LRBA: variants seen among roughly 807,000 people sequenced by gnomAD.
LRBA encodes the protein lipopolysaccharide-responsive and beige-like anchor protein.
A neutral mutation model predicts 330.0 loss-of-function variants in LRBA; 176 were observed. The ratio of observed to expected loss-of-function variants is 0.53; its 90% CI spans 0.47 to 0.60. LRBA has a LOEUF of 0.60. Ranked by LOEUF, LRBA falls within the 20% of genes least tolerant of loss-of-function variation. The pLI is 0.00. For missense variants in LRBA, 3,259 were observed against 3,444.8 expected, an observed-to-expected ratio of 0.95 and a Z score of 1.35; for synonymous variants, 1,230 against 1,193.0, an observed-to-expected ratio of 1.03 and a Z score of -0.64.
intron 40 of LRBA, among the ~76,000 whole-genome samples, chr4:150,553,561 A>G (rs1179376511): frequency 1.3e-5 from 2 of 152,184 alleles, no homozygotes; most frequent in Non-Finnish European, 2.9e-5. Context: ...CCCTTGCCTT[A>G]GAAGACAGAA....
intron 31 of LRBA, among the ~76,000 whole-genome samples, chr4:150,814,819 A>T (rs1019426957): frequency 6.6e-5 from 10 of 152,036 alleles, no homozygotes; most frequent in African/African-American, 2.2e-4. Context: ...CAATAAATGT[A>T]ACAGTCTTCA....
rs1305161118 is a variant in LRBA, at chr4:150,817,175, C to T, written c.5254G>A (p.Val1752Ile). Residue 1752 changes from valine (V) to isoleucine (I), a missense_variant, in exon 31 of 57, where the codon GTT (valine) becomes ATT (isoleucine). Val to Ile is a conservative substitution (Grantham distance 29, BLOSUM62 3). Coordinates refer to ENST00000651943, the MANE Select transcript of LRBA (RefSeq NM_001364905.1). ...GCTTGGGCTGAATCTACTGAGGAAA[C>T]CACACTGACAGCATTGGTAGGTATG... ...TSIPTNAVSVVSSVDSAQASD... is the reference protein window; with the variant it reads ...TSIPTNAVSVISSVDSAQASD... 1 of 1,612,100 alleles carries T rather than the reference C, an allele frequency of 6.2e-7. No individual in the cohort carries two copies. Among genetic ancestry groups the T allele is most frequent in the African/African-American group, 1.3e-5 (1 of 74,796 alleles).
At chr4:150,555,464 T>C (rs999101303) in intron 40 of LRBA, among the ~76,000 whole-genome samples, 1 of 152,070 alleles carries the variant, frequency 6.6e-6, no homozygotes, top group Non-Finnish European at 1.5e-5. Flanking sequence ...TATCTTACAA[T>C]ACAAACAGAA....
chr4:150,762,417 A>G (rs1735218337), intron 34 of LRBA, among the ~76,000 whole-genome samples: 2 of 151,984 alleles, frequency 1.3e-5, no homozygotes, highest in South Asian at 4.1e-4. Context: ...TTCTTGATCC[A>G]TTTGAAATTT....
At chr4:150,489,692 AT>A in intron 41 of LRBA, among the ~76,000 whole-genome samples, 1 of 127,432 alleles carries the variant, frequency 7.8e-6, no homozygotes, top group African/African-American at 2.9e-5. Context: ...ATAAGAATAT[AT>A]TATATATTAT....
rs1732446106 is a variant in LRBA, at chr4:150,321,108, A to G, written c.7630+83T>C. 5 of 1,248,480 alleles carry G rather than the reference A, an allele frequency of 4.0e-6. No homozygotes were observed. Among genetic ancestry groups the G allele is most frequent in the Non-Finnish European group, 5.6e-6 (5 of 898,322 alleles). 77.3% of individuals were successfully genotyped at this position (1,248,480 alleles called of 1,614,324 possible). A position where few individuals can be genotyped will look rare whatever the true frequency, so the allele number is the denominator to read the frequency against. On this transcript the variant is annotated intron_variant, in intron 50 of 56. Coordinates refer to ENST00000651943, the MANE Select transcript of LRBA (RefSeq NM_001364905.1). This position sits in a 1 kb window ranked among gnomAD's most constrained non-coding sequence, Gnocchi z 4.5. ...CTAATGCTTGAAAATTAAAAGCTTA[A>G]ATGTTGAGATATGCTATATTTAAGT...
At chr4:150,809,907 TACGATACGATACGATACGATAC>T in intron 31 of LRBA, among the ~76,000 whole-genome samples, 1 of 147,396 alleles carries the variant, frequency 6.8e-6, no homozygotes, top group Non-Finnish European at 1.5e-5. Context: ...TACGATACGA[TACGATACGATACGATACGATAC>T]GATACTTCCC....
chr4:150,570,900 C>T (rs1056371375), intron 40 of LRBA, among the ~76,000 whole-genome samples: 1 of 152,080 alleles, frequency 6.6e-6, no homozygotes, highest in African/African-American at 2.4e-5. Context: ...TCTAATAATA[C>T]AGAGTGTCAA....
intron 8 of LRBA, among the ~76,000 whole-genome samples, chr4:150,915,024 G>A (rs1455707868): frequency 6.6e-6 from 1 of 152,106 alleles, no homozygotes; most frequent in Non-Finnish European, 1.5e-5. Flanking sequence ...TCAAGACCCT[G>A]ATCTCTTGAG....
intron 40 of LRBA, among the ~76,000 whole-genome samples, chr4:150,534,578 A>C (rs1764440601): frequency 1.3e-5 from 2 of 152,050 alleles, no homozygotes; most frequent in South Asian, 4.1e-4. Context: ...ACAAAACAAA[A>C]CAATATTACA....
chr4:150,462,771 G>C (rs1754942884), intron 44 of LRBA, among the ~76,000 whole-genome samples: 1 of 151,808 alleles, frequency 6.6e-6, no homozygotes. Context: ...AGATCTGTTT[G>C]TATTCTACAT....
chr4:150,710,953 A>T (rs1197691018), intron 36 of LRBA, among the ~76,000 whole-genome samples: 1 of 151,886 alleles, frequency 6.6e-6, no homozygotes, highest in Non-Finnish European at 1.5e-5. Flanking sequence ...CTGAGAGCTA[A>T]ATGTCCCCCA....
intron 17 of LRBA, among the ~76,000 whole-genome samples, chr4:150,891,226 T>C (rs1729427600): frequency 6.6e-6 from 1 of 152,218 alleles, no homozygotes; most frequent in South Asian, 2.1e-4. Flanking sequence ...AATGAAAACA[T>C]ATGTCCATAC....
At chr4:150,630,339 A>G (rs1777254399) in intron 37 of LRBA, among the ~76,000 whole-genome samples, 1 of 150,904 alleles carries the variant, frequency 6.6e-6, no homozygotes, top group Non-Finnish European at 1.5e-5. Context: ...ACAAATTTCA[A>G]TAGCACTACA....
At chr4:150,883,483 T>G (rs1196074273) in intron 17 of LRBA, among the ~76,000 whole-genome samples, 1 of 152,132 alleles carries the variant, frequency 6.6e-6, no homozygotes, top group Non-Finnish European at 1.5e-5. Flanking sequence ...ATTATGTTAC[T>G]GTATACTAAG....
chr4:150,373,861 A>G (rs1339844530), intron 47 of LRBA, among the ~76,000 whole-genome samples: 1 of 152,140 alleles, frequency 6.6e-6, no homozygotes, highest in African/African-American at 2.4e-5. Context: ...TCCACTTTCT[A>G]TATTAATTCA....
chr4:150,532,732 CAAT>C (rs1205935651), intron 40 of LRBA, among the ~76,000 whole-genome samples: 1 of 151,436 alleles, frequency 6.6e-6, no homozygotes, highest in Non-Finnish European at 1.5e-5. Context: ...AAAATAGACT[CAAT>C]GATTTAAGAT....
At chr4:150,481,896 A>C (rs1316694162) in intron 42 of LRBA, among the ~76,000 whole-genome samples, 1 of 152,130 alleles carries the variant, frequency 6.6e-6, no homozygotes, top group Non-Finnish European at 1.5e-5. Context: ...ATATTTGCTT[A>C]AAAGTAAATG....
intron 34 of LRBA, among the ~76,000 whole-genome samples, chr4:150,781,604 T>C (rs1237745553): frequency 6.6e-6 from 1 of 152,228 alleles, no homozygotes; most frequent in African/African-American, 2.4e-5. Context: ...TTGTTTGATC[T>C]ACAACATAAC....
Sources: gnomAD v4.1 joint callset for allele counts (sites outside exome capture counted in the v4.1 genomes callset) on GRCh38, gnomAD v4.1.1 for gene constraint, Gnocchi (gnomAD v3.1) non-coding constraint, MANE v1.5 for transcripts, NCBI Gene and HGNC (gene_info 2026-07-23, HGNC 2026-07-21) for gene names.